KIAA2012: variants seen among roughly 807,000 people sequenced by gnomAD.
KIAA2012 encodes uncharacterized protein KIAA2012.
A neutral mutation model predicts 150.6 loss-of-function variants in KIAA2012; 125 were observed. The ratio of observed to expected loss-of-function variants is 0.83; its 90% CI spans 0.72 to 0.96. The LOEUF (loss-of-function observed/expected upper bound fraction) is 0.96. Among genes scored for constraint, KIAA2012 ranks in the 40% least tolerant of loss-of-function variants. The probability of loss-of-function intolerance (pLI) is 0.00; values close to 1 mark genes in which losing one functional copy is unlikely to be tolerated. For synonymous variants in KIAA2012, 462 were observed against 504.7 expected (o/e 0.92, Z 1.13); for missense variants, 1,219 against 1,354.9 (o/e 0.90, Z 1.57).
At chr2:202,184,160 T>C (rs1489198570) in intron 15 of KIAA2012, among the ~76,000 whole-genome samples, 1 of 151,908 alleles carries the variant, frequency 6.6e-6, no homozygotes, top group Non-Finnish European at 1.5e-5. Flanking sequence ...CCAAGGTGGG[T>C]GGATCACGAG....
rs540091983 is a variant in KIAA2012 at position 202,118,527 on chromosome 2, T to C, written c.1762+5081T>C. Among the ~76,000 whole-genome samples, 9 of 152,352 alleles carry C rather than the reference T, an allele frequency of 5.9e-5. No individual in the cohort carries two copies. The East Asian group carries it at 1.7e-3, about 29-fold the overall frequency. ...ATCAAAGCTCTGGGCACTGAGCTCATGAAGACTGAGCATGATAAGAGGCAG... is the reference window on the plus strand; with the variant it reads ...ATCAAAGCTCTGGGCACTGAGCTCACGAAGACTGAGCATGATAAGAGGCAG... On this transcript the variant is annotated intron_variant, in intron 11 of 23. Transcript: ENST00000498697.
At chr2:202,195,472 G>C (rs1177372253) in intron 21 of KIAA2012, among the ~76,000 whole-genome samples, 1 of 151,692 alleles carries the variant, frequency 6.6e-6, no homozygotes, top group East Asian at 1.9e-4. Context: ...AGTGAGCTGA[G>C]ATAGTGCCAC....
intron 19 of KIAA2012, 146 bp from the exon 20 acceptor site, chr2:202,193,155 C>A: frequency 1.3e-6 from 1 of 744,594 alleles, no homozygotes; most frequent in Non-Finnish European, 2.2e-6. Context: ...CTGGTGGTGG[C>A]TGAGTCTATG....
At chr2:202,167,106 G>A (rs538579410) in intron 15 of KIAA2012, among the ~76,000 whole-genome samples, 98 of 151,692 alleles carry the variant, frequency 6.5e-4, no homozygotes, top group African/African-American at 2.1e-3. Flanking sequence ...CCCAGCAGGC[G>A]GAGCTTGCAG....
At chr2:202,113,258 G>A (rs1037496147) in intron 10 of KIAA2012, 78 bp from the exon 11 acceptor site, 156 of 1,112,248 alleles carry the variant, frequency 1.4e-4, no homozygotes, top group Middle Eastern at 1.3e-3. Context: ...GGGGGACCAG[G>A]GGAACATGGC....
At chr2:202,167,173 C>CA (rs57330831) in intron 15 of KIAA2012, among the ~76,000 whole-genome samples, 7,013 of 118,164 alleles carry the variant, frequency 0.059, 502 homozygotes, top group African/African-American at 0.19. Context: ...GACTCCGTCT[C>CA]AAAAAAAAAA....
intron 15 of KIAA2012, among the ~76,000 whole-genome samples, chr2:202,170,938 G>A (rs1446448736): frequency 6.6e-6 from 1 of 152,144 alleles, no homozygotes; most frequent in African/African-American, 2.4e-5. Context: ...GACAATTGAG[G>A]CACAGAGTGG....
intron 15 of KIAA2012, among the ~76,000 whole-genome samples, chr2:202,171,405 T>A (rs1408374241): frequency 6.6e-6 from 1 of 151,922 alleles, no homozygotes; most frequent in African/African-American, 2.4e-5. Flanking sequence ...GCCTGCCGCG[T>A]TTATGGCTTC....
chr2:202,095,552 T>G (rs987215458), intron 4 of KIAA2012, among the ~76,000 whole-genome samples: 1 of 152,250 alleles, frequency 6.6e-6, no homozygotes, highest in Non-Finnish European at 1.5e-5. Context: ...ATAGAGAGAC[T>G]AAGTTTTGTG....
Position 202,182,465 on chromosome 2 carries a change from A to T in KIAA2012, c.2120-2288A>T, listed in dbSNP as rs551868497. 2.6e-4 allele frequency among the ~76,000 whole-genome samples: 39 copies of T among 152,192 alleles called. No homozygotes were observed. In the South Asian group the frequency reaches 8.1e-3, roughly 32 times the overall value. ...TTTCACTCAACATAATTATTTTGAG[A>T]TTCATCCATATTGCCAGGTATATCA... On this transcript the variant is annotated intron_variant, in intron 15 of 23. Transcript: ENST00000498697.
At chr2:202,095,130 T>G (rs894780152) in intron 4 of KIAA2012, among the ~76,000 whole-genome samples, 7 of 152,150 alleles carry the variant, frequency 4.6e-5, no homozygotes, top group Admixed American at 2.6e-4. Context: ...TCATTATACC[T>G]CCTTAGCTTG....
chr2:202,203,311 T>G (rs919874544), intron 23 of KIAA2012, among the ~76,000 whole-genome samples: 4 of 152,238 alleles, frequency 2.6e-5, no homozygotes, highest in Non-Finnish European at 5.9e-5. Context: ...AAGAATTTTA[T>G]TATACATCTC....
intron 13 of KIAA2012, among the ~76,000 whole-genome samples, chr2:202,148,410 C>T (rs188272173): frequency 7.9e-4 from 120 of 152,048 alleles, no homozygotes; most frequent in Non-Finnish European, 1.5e-3. Flanking sequence ...TCCTGACAGG[C>T]GGAGAACAAG....
intron 15 of KIAA2012, among the ~76,000 whole-genome samples, chr2:202,168,529 C>T (rs932050563): frequency 2.6e-5 from 4 of 152,036 alleles, no homozygotes; most frequent in African/African-American, 4.8e-5. Flanking sequence ...ACAATTTGCT[C>T]CTTGTCAGGA....
chr2:202,174,819 T>C (rs1021877053), intron 15 of KIAA2012, among the ~76,000 whole-genome samples: 1 of 152,244 alleles, frequency 6.6e-6, no homozygotes, highest in African/African-American at 2.4e-5. Context: ...TATTATACTT[T>C]AAGTTTTAGG....
rs1217462646 is a variant in KIAA2012 at position 202,202,549 on chromosome 2, A to T, written c.3528A>T (p.Leu1176=). Residue 1176 remains leucine, a synonymous_variant, in exon 23 of 24, where the codon CTA becomes CTT. Transcript: ENST00000498697. ...RPWVYSYFQF[L]QIPRP ...GGGTTTACTCTTATTTCCAGTTCCT[A>T]CAAATACCCAGGCCTTAAGGCTAGA... 1 of 399,022 alleles carries T rather than the reference A, an allele frequency of 2.5e-6. No individual in the cohort carries two copies. The highest frequency in any genetic ancestry group is 6.3e-4 in the Middle Eastern group (1 of 1,588). The allele number at this position is 399,022 out of a possible 1,614,324, so 24.7% of individuals were successfully genotyped here.
At chr2:202,145,359 A>G (rs1045994978) in intron 13 of KIAA2012, among the ~76,000 whole-genome samples, 4 of 152,150 alleles carry the variant, frequency 2.6e-5, no homozygotes, top group African/African-American at 9.7e-5. Context: ...TTCTGGTTCA[A>G]CCTTACCCAC....
rs185984225 is a variant in KIAA2012 at position 202,176,257 on chromosome 2, C to A, written c.2120-8496C>A. Among the ~76,000 whole-genome samples the A allele has an allele frequency of 2.4e-4, 37 of 151,462 alleles. No individual in the cohort carries two copies. In the East Asian group the frequency reaches 6.8e-3, roughly 28 times the overall value. On this transcript the variant is annotated intron_variant, in intron 15 of 23. Transcript: ENST00000498697. ...CTCTATTGCCCAGAAAGTGCAATGG[C>A]ATGATCTTGGCTCACTGCAACCTCT...
At chr2:202,079,701 G>A (rs1052732508) in intron 2 of KIAA2012, among the ~76,000 whole-genome samples, 4 of 152,286 alleles carry the variant, frequency 2.6e-5, no homozygotes, top group South Asian at 2.1e-4. Flanking sequence ...CAAATATGTC[G>A]CTTGGTTGGT....
Sources: allele counts gnomAD v4.1 joint callset (sites outside exome capture counted in the v4.1 genomes callset), GRCh38; gene constraint gnomAD v4.1.1; transcripts MANE v1.5; gene names NCBI Gene and HGNC (gene_info 2026-07-23, HGNC 2026-07-21).